The following TP53BP1 variants were observed in gnomAD, a reference collection of about 807,000 sequenced individuals.
TP53BP1 encodes the protein TP53-binding protein 1.
Under a neutral mutation model 200.8 loss-of-function variants are expected in TP53BP1, and 61 were observed. The observed-to-expected ratio is 0.30, with a 90% confidence interval of 0.25 to 0.38. TP53BP1 has a LOEUF of 0.38. Among genes scored for constraint, TP53BP1 ranks in the 10% least tolerant of loss-of-function variants. The pLI is 1.00. For synonymous variants in TP53BP1, 822 were observed against 844.3 expected (o/e 0.97, Z 0.46); for missense variants, 2,144 against 2,371.9 (o/e 0.90, Z 2.00).
intron 7 of TP53BP1, 51 bp downstream of exon 7, chr15:43,479,346 G>T: frequency 6.5e-7 from 1 of 1,536,844 alleles, no homozygotes; most frequent in Non-Finnish European, 8.8e-7. Context: ...AATGACATTA[G>T]TATAACCCTA....
intron 7 of TP53BP1, among the ~76,000 whole-genome samples, 188 bp downstream of exon 7, chr15:43,479,209 G>A (rs1206822696): frequency 6.6e-6 from 1 of 152,130 alleles, no homozygotes; most frequent in Non-Finnish European, 1.5e-5. Context: ...CAGACAGACA[G>A]ACAGACAAAA....
At chr15:43,444,051 C>A (rs971834881) in intron 14 of TP53BP1, among the ~76,000 whole-genome samples, 3 of 152,042 alleles carry the variant, frequency 2.0e-5, no homozygotes, top group African/African-American at 7.2e-5. Context: ...TCAGTGTCCT[C>A]CTCTATAAGA....
In TP53BP1 at chr15:43,416,381, G is replaced by A. The variant is rs376946678; in HGVS notation, c.4717C>T (p.Leu1573=). The change falls in exon 22 of 28, where the codon CTG becomes TTG. Residue 1573 remains leucine (L), a synonymous_variant. Transcript: ENST00000382044. Reference sequence around the variant, plus strand: ...CCTTCTTTTTCAATGCTGTAGTACAGTTCCCCAGACTCCTTCCTATGTCCT... The same window carrying A: ...CCTTCTTTTTCAATGCTGTAGTACAATTCCCCAGACTCCTTCCTATGTCCT... ...VKGHRKESGE[L]YYSIEKEGQR... is the part of the protein sequence containing the mutation. 6.8e-6 allele frequency: 11 copies of A among 1,614,028 alleles called. No homozygotes were observed. In the African/African-American group the frequency reaches 1.3e-4, roughly 20 times the overall value.
At chr15:43,457,383 A>G (rs376125465) in intron 11 of TP53BP1, among the ~76,000 whole-genome samples, 165 bp from the exon 12 acceptor site, 2 of 152,332 alleles carry the variant, frequency 1.3e-5, no homozygotes, top group African/African-American at 4.8e-5. Flanking sequence ...GAACTCTAGT[A>G]TAGCCAGGAG....
Position 43,446,597 on chromosome 15 carries a change from G to A in TP53BP1, c.2837-7C>T, listed in dbSNP as rs2046047384. On this transcript the variant is annotated splice_polypyrimidine_tract_variant and splice_region_variant and intron_variant, in intron 13 of 27. Coordinates refer to ENST00000382044, the MANE Select transcript of TP53BP1 (RefSeq NM_001141980.3). ...TCTGGATAGTTGCTAATACCTGAAA[G>A]AAGTGAGGCAGGGAGGAAGAAAAAA... 1 of 1,610,050 alleles carries A rather than the reference G, an allele frequency of 6.2e-7. No individual in the cohort carries two copies. Among genetic ancestry groups the A allele is most frequent in the Non-Finnish European group, 8.5e-7 (1 of 1,177,506 alleles).
chr15:43,460,645 T>C (rs531956932), intron 11 of TP53BP1, among the ~76,000 whole-genome samples: 17 of 152,192 alleles, frequency 1.1e-4, no homozygotes, highest in Non-Finnish European at 1.9e-4. Flanking sequence ...TATTTCAATG[T>C]CTGGTATTAT....
intron 14 of TP53BP1, among the ~76,000 whole-genome samples, chr15:43,446,081 A>T (rs886471027): frequency 6.6e-6 from 1 of 152,194 alleles, no homozygotes; most frequent in Non-Finnish European, 1.5e-5. Context: ...GAAAGAATCA[A>T]CATTAATCTG....
chr15:43,412,988 T>C (rs938513780), intron 24 of TP53BP1, 131 bp downstream of exon 24: 6 of 803,446 alleles, frequency 7.5e-6, no homozygotes, highest in Non-Finnish European at 1.2e-5. Context: ...GAGTAATTTC[T>C]GTGACCAAGA....
intron 11 of TP53BP1, among the ~76,000 whole-genome samples, chr15:43,468,381 T>C (rs1026007173): frequency 6.6e-6 from 1 of 151,930 alleles, no homozygotes; most frequent in Non-Finnish European, 1.5e-5. Context: ...CCCGTCTCTA[T>C]AAGAAAAATT....
At chr15:43,471,943 A>C (rs1248442479) in intron 10 of TP53BP1, among the ~76,000 whole-genome samples, 2 of 152,336 alleles carry the variant, frequency 1.3e-5, no homozygotes, top group East Asian at 3.9e-4. Context: ...GATACCTACA[A>C]CTGATTTTAA....
Position 43,470,028 on chromosome 15 carries a change from C to T in TP53BP1, c.1219G>A (p.Gly407Arg), listed in dbSNP as rs1338389015. 1 of 1,613,406 alleles carries T rather than the reference C, an allele frequency of 6.2e-7. No homozygotes were observed. Among genetic ancestry groups the T allele is most frequent in the South Asian group, 1.1e-5 (1 of 91,054 alleles). Residue 407 changes from glycine (G) to arginine (R), a missense_variant, in exon 11 of 28, where the codon GGA becomes AGA. Transcript: ENST00000382044. Reference sequence around the variant, plus strand: ...TGAAGTTTCTTCTGAAAAGGCTCTCCTCCTTCTTCAGATAACACTGACGTG... The same window carrying T: ...TGAAGTTTCTTCTGAAAAGGCTCTCTTCCTTCTTCAGATAACACTGACGTG... ...MDTSVLSEEG[G>R]EPFQKKLQSG...
intron 25 of TP53BP1, 178 bp from the exon 26 acceptor site, chr15:43,409,274 A>C: frequency 3.2e-6 from 2 of 624,696 alleles, no homozygotes; most frequent in South Asian, 3.9e-5. Flanking sequence ...TAATTTCCAT[A>C]GATGTTCTCT....
At chr15:43,421,797 A>G in intron 19 of TP53BP1, 58 bp downstream of exon 19, 1 of 1,589,974 alleles carries the variant, frequency 6.3e-7, no homozygotes. Context: ...TGTGATATTA[A>G]AATGTCAGCA....
At chr15:43,471,191 CTAAAATA>C (rs141238892) in intron 10 of TP53BP1, among the ~76,000 whole-genome samples, 3,520 of 151,534 alleles carry the variant, frequency 0.023, 121 homozygotes, top group African/African-American at 0.078. Context: ...TGCATTAAAT[CTAAAATA>C]TAACTGACAA....
intron 16 of TP53BP1, among the ~76,000 whole-genome samples, chr15:43,436,480 A>AT (rs1011935060): frequency 2.9e-4 from 44 of 150,590 alleles, no homozygotes; most frequent in African/African-American, 1.1e-3. Flanking sequence ...TTATTTATTT[A>AT]TTATTATTTT....
intron 24 of TP53BP1, chr15:43,412,791 C>T: frequency 2.1e-6 from 1 of 480,648 alleles, no homozygotes; most frequent in South Asian, 1.5e-5. Flanking sequence ...GCTCTAGTCA[C>T]AGGTTTGTCA....
intron 14 of TP53BP1, 85 bp downstream of exon 14, chr15:43,446,302 G>T: frequency 9.9e-7 from 1 of 1,007,784 alleles, no homozygotes. Context: ...AAATATAGAA[G>T]TATCAATTAT....
At chr15:43,507,090 A>T (rs766357396) in intron 1 of TP53BP1, among the ~76,000 whole-genome samples, 3 of 151,482 alleles carry the variant, frequency 2.0e-5, no homozygotes, top group Admixed American at 6.6e-5. Context: ...ACTTCAATAA[A>T]TCTATGCTTT....
intron 25 of TP53BP1, 64 bp from the exon 26 acceptor site, chr15:43,409,160 C>T: frequency 4.1e-6 from 6 of 1,460,126 alleles, no homozygotes; most frequent in Non-Finnish European, 5.7e-6. Flanking sequence ...TAAGCAGCAG[C>T]CATAATGAGC....
Sources: gnomAD v4.1 joint callset for allele counts (sites outside exome capture counted in the v4.1 genomes callset) on GRCh38, gnomAD v4.1.1 for gene constraint, MANE v1.5 for transcripts, NCBI Gene and HGNC (gene_info 2026-07-23, HGNC 2026-07-21) for gene names.